The following CA5A variants were observed in gnomAD, a reference collection of about 807,000 sequenced individuals.
CA5A encodes carbonic anhydrase 5A, mitochondrial.
A neutral mutation model predicts 37.1 loss-of-function variants in CA5A; 28 were observed. The ratio of observed to expected loss-of-function variants is 0.75; its 90% CI spans 0.56 to 1.03. The LOEUF is 1.03. Among genes scored for constraint, CA5A ranks in the 50% least tolerant of loss-of-function variants. The probability of loss-of-function intolerance (pLI) is 0.00; values close to 1 mark genes in which losing one functional copy is unlikely to be tolerated. For missense variants in CA5A, 444 were observed against 399.9 expected (o/e 1.11, Z -0.94); for synonymous variants, 171 against 158.4 (o/e 1.08, Z -0.60).
At chr16:87,934,843 C>G (rs1363660083) in intron 1 of CA5A, among the ~76,000 whole-genome samples, 2 of 152,128 alleles carry the variant, frequency 1.3e-5, no homozygotes, top group Non-Finnish European at 2.9e-5. Context: ...GCCTGTAGTC[C>G]CAGCTACTTG....
intron 5 of CA5A, among the ~76,000 whole-genome samples, chr16:87,894,178 G>C (rs548266050): frequency 1.3e-5 from 2 of 151,828 alleles, no homozygotes; most frequent in African/African-American, 2.4e-5. Flanking sequence ...TTCCAGGCTG[G>C]AGTGCCGTGG....
At position 87,888,210 on chromosome 16, in the gene CA5A, G is replaced by T; in HGVS notation, c.837C>A (p.Asn279Lys). 6.2e-7 allele frequency: 1 copy of T among 1,613,942 alleles called. No individual in the cohort carries two copies. Among genetic ancestry groups the T allele is most frequent in the South Asian group, 1.1e-5 (1 of 91,068 alleles). The part of the protein sequence containing the change: ...ALGEEEKMMV[N>K]NYRPLQPLMN... ...TCAAGGGTTGAAGTGGGCGATAGTT[G>T]TTCACCATCATCTTCTCCTCTTCAC... The change falls in exon 7 of 7, where the codon AAC becomes AAA. Residue 279 changes from asparagine to lysine, a missense_variant. Asn to Lys is a moderately conservative substitution (Grantham distance 94, BLOSUM62 0). Coordinates refer to ENST00000649794, the MANE Select transcript of CA5A (RefSeq NM_001739.2).
rs764416139 is a variant in CA5A at position 87,888,198 on chromosome 16, T to C, written c.849A>G (p.Pro283=). The stretch of plus-strand genomic sequence containing the variant: ...CCTTCCGGTTCATCAAGGGTTGAAG[T>C]GGGCGATAGTTGTTCACCATCATCT... ...EEKMMVNNYR[P]LQPLMNRKVW... Residue 283 remains proline (P), a synonymous_variant, in exon 7 of 7, where the codon CCA becomes CCG. Coordinates refer to ENST00000649794, the MANE Select transcript of CA5A (RefSeq NM_001739.2). 5.6e-6 allele frequency: 9 copies of C among 1,613,782 alleles called. No individual in the cohort carries two copies. In the African/African-American group the frequency reaches 1.1e-4, roughly 19 times the overall value.
chr16:87,926,123 G>A (rs568367934), intron 2 of CA5A, among the ~76,000 whole-genome samples: 18 of 152,160 alleles, frequency 1.2e-4, no homozygotes, highest in Non-Finnish European at 2.4e-4. Context: ...CTCAGGCTGA[G>A]GCAGGAGAAT....
rs76525875 is a variant in CA5A, at chr16:87,924,262, G to C, written c.340+2486C>G. 1,014 of 985,464 alleles carry C rather than the reference G, an allele frequency of 1.0e-3. 11 individuals carry two copies. In the African/African-American group the frequency reaches 0.017, roughly 16 times the overall value. 61.0% of individuals were successfully genotyped at this position (985,464 alleles called of 1,614,324 possible). A position where few individuals can be genotyped will look rare whatever the true frequency, so the allele number is the denominator to read the frequency against. On this transcript the variant is annotated intron_variant, in intron 2 of 6. Coordinates refer to ENST00000649794, the MANE Select transcript of CA5A (RefSeq NM_001739.2). ...AGCAAGCCCCACACGGGAAGCATCC[G>C]CGGGGGTTGCAGTGGAGCCTGATGA...
At chr16:87,934,381 C>T (rs530604359) in intron 1 of CA5A, among the ~76,000 whole-genome samples, 1 of 152,272 alleles carries the variant, frequency 6.6e-6, no homozygotes, top group East Asian at 1.9e-4. Context: ...CCACCCTGAG[C>T]AACATGGAGA....
chr16:87,895,147 G>A (rs1229728161), intron 5 of CA5A, among the ~76,000 whole-genome samples: 1 of 152,214 alleles, frequency 6.6e-6, no homozygotes, highest in Non-Finnish European at 1.5e-5. Context: ...GTAGTTGGGA[G>A]GCTGAGGTGG....
intron 5 of CA5A, among the ~76,000 whole-genome samples, chr16:87,900,436 C>G (rs906551778): frequency 6.6e-6 from 1 of 152,230 alleles, no homozygotes; most frequent in Admixed American, 6.5e-5. Flanking sequence ...CCTTGAACCG[C>G]GAGGAAGGGC....
intron 2 of CA5A, among the ~76,000 whole-genome samples, chr16:87,923,115 T>A (rs1181123477): frequency 6.6e-6 from 1 of 152,250 alleles, no homozygotes; most frequent in Non-Finnish European, 1.5e-5. Flanking sequence ...CTTCATTTGT[T>A]CTTACGTAAA....
At chr16:87,907,032 C>T (rs2055971267) in intron 2 of CA5A, among the ~76,000 whole-genome samples, 1 of 152,054 alleles carries the variant, frequency 6.6e-6, no homozygotes, top group Non-Finnish European at 1.5e-5. Flanking sequence ...GCCTGGCCAA[C>T]ATGATAAAAC....
chr16:87,936,151 C>G (rs1433932505), intron 1 of CA5A, among the ~76,000 whole-genome samples, 158 bp downstream of exon 1: 6 of 146,714 alleles, frequency 4.1e-5, no homozygotes, highest in African/African-American at 1.5e-4. Flanking sequence ...CAGCCTGGGC[C>G]ACAGAGCGAG....
At chr16:87,884,765 T>A (rs1292684142), downstream of CA5A, 1 of 151,620 alleles carries the variant, frequency 6.6e-6, no homozygotes, top group East Asian at 1.9e-4. Flanking sequence ...CTGTACTGAT[T>A]TTGGATTTTT....
intron 2 of CA5A, among the ~76,000 whole-genome samples, chr16:87,908,165 C>T (rs11640795): frequency 0.023 from 3,479 of 152,248 alleles, 66 homozygotes; most frequent in Non-Finnish European, 0.031. Context: ...TGGGGAACCG[C>T]CTGGGATCTC....
chr16:87,909,170 G>A (rs1279061703), intron 2 of CA5A, among the ~76,000 whole-genome samples: 2 of 151,950 alleles, frequency 1.3e-5, no homozygotes, highest in South Asian at 2.1e-4. Flanking sequence ...CTGATGGGCC[G>A]GATCCCCCGC....
rs2056263913 is a variant in CA5A, at chr16:87,923,846, C to A, written c.340+2902G>T. On this transcript the variant is annotated intron_variant, in intron 2 of 6. Coordinates refer to ENST00000649794, the MANE Select transcript of CA5A (RefSeq NM_001739.2). ...CATAGCAACTCATCTGTATCCATGA[C>A]AACTATTGTTCTCAAAATTACTAAT... is the stretch of plus-strand genomic sequence containing the variant. The A allele has an allele frequency of 5.1e-6, 5 of 984,280 alleles. No homozygotes were observed. In the South Asian group the frequency reaches 1.9e-4, roughly 37 times the overall value. The allele number at this position is 984,280 out of a possible 1,614,324, so 61.0% of individuals were successfully genotyped here.
intron 6 of CA5A, among the ~76,000 whole-genome samples, chr16:87,889,603 G>C (rs2055685192): frequency 6.6e-6 from 1 of 151,750 alleles, no homozygotes; most frequent in Non-Finnish European, 1.5e-5. Context: ...GAGAAACCCT[G>C]TTTCTACTAA....
At chr16:87,934,574 A>G (rs1341187595) in intron 1 of CA5A, among the ~76,000 whole-genome samples, 6 of 152,014 alleles carry the variant, frequency 3.9e-5, no homozygotes. Flanking sequence ...GTCTCAAAAA[A>G]TAAAGGAAAG....
intron 6 of CA5A, 37 bp from the exon 7 acceptor site, chr16:87,888,309 G>C (rs2055667154): frequency 6.3e-7 from 1 of 1,585,054 alleles, no homozygotes; most frequent in South Asian, 1.1e-5. Context: ...CTTGGTATGA[G>C]TGCAGGGTGA....
chr16:87,932,667 C>T (rs2144102688), intron 1 of CA5A, among the ~76,000 whole-genome samples: 1 of 152,072 alleles, frequency 6.6e-6, no homozygotes, highest in East Asian at 1.9e-4. Context: ...AGCCCTGGCC[C>T]AGGTGCAGGG....
Sources: gnomAD v4.1 joint callset for allele counts (sites outside exome capture counted in the v4.1 genomes callset) on GRCh38, gnomAD v4.1.1 for gene constraint, MANE v1.5 for transcripts, NCBI Gene and HGNC (gene_info 2026-07-23, HGNC 2026-07-21) for gene names.